Variants in LRP1B observed in about 807,000 individuals in gnomAD.
LRP1B encodes LDL receptor related protein 1B.
A neutral mutation model predicts 556.6 loss-of-function variants in LRP1B; 217 were observed. The ratio of observed to expected loss-of-function variants is 0.39; its 90% CI spans 0.35 to 0.44. LRP1B has a LOEUF of 0.44. Among genes scored for constraint, LRP1B ranks in the 20% least tolerant of loss-of-function variants. The probability of loss-of-function intolerance (pLI) is 1.00; values close to 1 mark genes in which losing one functional copy is unlikely to be tolerated. For synonymous variants in LRP1B, 2,047 were observed against 1,865.8 expected (o/e 1.10, Z -2.50); for missense variants, 5,053 against 5,620.8 (o/e 0.90, Z 3.23).
At chr2:140,915,653 A>AAAATAAATAAATAAATAAATAAAT (rs70991117) in intron 21 of LRP1B, among the ~76,000 whole-genome samples, 3 of 145,102 alleles carry the variant, frequency 2.1e-5, no homozygotes, top group African/African-American at 5.1e-5. Flanking sequence ...CTTTGTCTCA[A>AAAATAAATAAATAAATAAATAAAT]AAATAAATAA....
intron 1 of LRP1B, among the ~76,000 whole-genome samples, chr2:141,913,640 G>C (rs1457528105): frequency 1.3e-5 from 2 of 152,146 alleles, no homozygotes; most frequent in Non-Finnish European, 2.9e-5. Flanking sequence ...AATGGCAGAA[G>C]GTGAGGTAAA....
At chr2:141,826,120 AC>A (rs1157745144) in intron 1 of LRP1B, among the ~76,000 whole-genome samples, 2 of 151,952 alleles carry the variant, frequency 1.3e-5, no homozygotes, top group Non-Finnish European at 2.9e-5. Context: ...TCTGAAATTG[AC>A]CACTTCTAGG....
At chr2:142,061,266 A>G (rs1180704159) in intron 1 of LRP1B, among the ~76,000 whole-genome samples, 2 of 151,956 alleles carry the variant, frequency 1.3e-5, no homozygotes, top group Non-Finnish European at 2.9e-5. Flanking sequence ...TGTGAAGACA[A>G]TATTTAGTTT....
chr2:140,399,893 A>G (rs577434224), intron 66 of LRP1B, among the ~76,000 whole-genome samples: 13 of 152,328 alleles, frequency 8.5e-5, no homozygotes, highest in Non-Finnish European at 1.5e-4. Context: ...ACACACTTAG[A>G]CAGTCTTTGG....
intron 43 of LRP1B, among the ~76,000 whole-genome samples, chr2:140,580,662 A>G (rs1681725716): frequency 6.6e-6 from 1 of 152,168 alleles, no homozygotes; most frequent in Non-Finnish European, 1.5e-5. Context: ...GTCTGTCATT[A>G]TGTATTTATA....
intron 3 of LRP1B, among the ~76,000 whole-genome samples, chr2:141,307,612 C>T (rs963856643): frequency 3.3e-5 from 5 of 151,962 alleles, no homozygotes; most frequent in African/African-American, 1.2e-4. Flanking sequence ...TGTTTACATC[C>T]AAGGTTAGGA....
At chr2:140,290,272 G>T (rs1458140273) in intron 84 of LRP1B, among the ~76,000 whole-genome samples, 2 of 152,048 alleles carry the variant, frequency 1.3e-5, no homozygotes, top group African/African-American at 4.8e-5. Flanking sequence ...GGCGTAATGT[G>T]TCACGTAAAA....
chr2:140,569,313 A>G (rs1256429273), intron 43 of LRP1B, among the ~76,000 whole-genome samples: 1 of 152,010 alleles, frequency 6.6e-6, no homozygotes, highest in Non-Finnish European at 1.5e-5. Context: ...TGCTACTTAA[A>G]AAGGAATTTC....
chr2:141,480,753 C>T (rs1390167184), intron 2 of LRP1B, among the ~76,000 whole-genome samples: 2 of 152,032 alleles, frequency 1.3e-5, no homozygotes, highest in Admixed American at 1.3e-4. Flanking sequence ...TTTCAAATAA[C>T]GCATTAAAAA....
intron 3 of LRP1B, among the ~76,000 whole-genome samples, chr2:141,272,791 C>CA (rs1357648349): frequency 6.6e-6 from 1 of 151,822 alleles, no homozygotes; most frequent in South Asian, 2.1e-4. Context: ...ATAAAAGCAC[C>CA]AAAAAAATAG....
intron 3 of LRP1B, among the ~76,000 whole-genome samples, chr2:141,324,501 C>G (rs1475916211): frequency 6.6e-6 from 1 of 151,968 alleles, no homozygotes; most frequent in Non-Finnish European, 1.5e-5. Context: ...TTTTAAATAT[C>G]AGTTATATCA....
At chr2:140,805,511 C>G (rs1434741572) in intron 32 of LRP1B, among the ~76,000 whole-genome samples, 1 of 152,122 alleles carries the variant, frequency 6.6e-6, no homozygotes, top group Non-Finnish European at 1.5e-5. Context: ...TAAACTCCCA[C>G]CAAATTCTTA....
At chr2:141,558,592 T>C (rs1403539311) in intron 2 of LRP1B, among the ~76,000 whole-genome samples, 1 of 151,654 alleles carries the variant, frequency 6.6e-6, no homozygotes, top group East Asian at 1.9e-4. Flanking sequence ...TAACCTTGAG[T>C]TTTTAAGTCC....
chr2:141,586,095 T>A (rs1478501747), intron 2 of LRP1B, among the ~76,000 whole-genome samples: 1 of 152,200 alleles, frequency 6.6e-6, no homozygotes, highest in African/African-American at 2.4e-5. Flanking sequence ...GGAAGTAGAA[T>A]AGTCTGGTGA....
intron 41 of LRP1B, among the ~76,000 whole-genome samples, chr2:140,655,916 C>G (rs1433025242): frequency 3.3e-5 from 5 of 149,434 alleles, no homozygotes; most frequent in African/African-American, 1.2e-4. Context: ...GCACTCCAGC[C>G]TGGGAGACAG....
chr2:141,237,127 A>T (rs1324684312), intron 5 of LRP1B, among the ~76,000 whole-genome samples: 2 of 152,172 alleles, frequency 1.3e-5, no homozygotes, highest in Admixed American at 1.3e-4. Context: ...ATAAAGCAGA[A>T]GTTCAAAATT....
intron 6 of LRP1B, among the ~76,000 whole-genome samples, chr2:141,227,061 A>G (rs1309387617): frequency 6.6e-6 from 1 of 152,124 alleles, no homozygotes; most frequent in Non-Finnish European, 1.5e-5. Flanking sequence ...AACAAAATAT[A>G]TGTTTCTAGG....
intron 7 of LRP1B, among the ~76,000 whole-genome samples, chr2:141,164,745 T>G (rs148091186): frequency 6.6e-6 from 1 of 152,122 alleles, no homozygotes; most frequent in East Asian, 1.9e-4. Context: ...AAATCCCCCA[T>G]AGTTCCATTG....
chr2:140,711,375 T>C (rs949759126), intron 37 of LRP1B, among the ~76,000 whole-genome samples: 23 of 151,982 alleles, frequency 1.5e-4, no homozygotes, highest in African/African-American at 5.1e-4. Flanking sequence ...TTCATAGAGC[T>C]GTGTTGGTCA....
Sources: gnomAD v4.1 joint callset for allele counts (sites outside exome capture counted in the v4.1 genomes callset) on GRCh38, gnomAD v4.1.1 for gene constraint, MANE v1.5 for transcripts, NCBI Gene and HGNC (gene_info 2026-07-23, HGNC 2026-07-21) for gene names.